Variants in DOK5 observed in about 807,000 individuals in gnomAD.
The protein encoded by DOK5 is downstream of tyrosine kinase 5.
Under a neutral mutation model 43.3 loss-of-function variants are expected in DOK5, and 27 were observed. The ratio of observed to expected loss-of-function variants is 0.62; its 90% CI spans 0.46 to 0.86. The LOEUF (loss-of-function observed/expected upper bound fraction) is 0.86, where lower values mean the gene tolerates loss of function less well. Ranked by LOEUF, DOK5 falls within the 40% of genes least tolerant of loss-of-function variation. DOK5 has a pLI of 0.00. For synonymous variants in DOK5, 146 were observed against 140.1 expected (o/e 1.04, Z -0.30); for missense variants, 373 against 392.9 (o/e 0.95, Z 0.43).
chr20:54,606,897 C>T (rs1341694213), intron 5 of DOK5, among the ~76,000 whole-genome samples: 1 of 152,168 alleles, frequency 6.6e-6, no homozygotes, highest in African/African-American at 2.4e-5. Flanking sequence ...CATTTCTGTT[C>T]TATTTAGAGC....
At chr20:54,542,025 C>A (rs1234319045) in intron 1 of DOK5, among the ~76,000 whole-genome samples, 1 of 151,826 alleles carries the variant, frequency 6.6e-6, no homozygotes, top group South Asian at 2.1e-4. Context: ...CAATACCCAC[C>A]ACTAGCAATT....
chr20:54,511,775 A>C (rs1018191971), intron 1 of DOK5, among the ~76,000 whole-genome samples: 6 of 152,148 alleles, frequency 3.9e-5, no homozygotes, highest in African/African-American at 1.2e-4. Context: ...ATTCTCATAC[A>C]GTCTCTTCTT....
At chr20:54,563,885 A>C (rs796224424) in intron 2 of DOK5, among the ~76,000 whole-genome samples, 12 of 152,124 alleles carry the variant, frequency 7.9e-5, no homozygotes, top group African/African-American at 2.9e-4. Flanking sequence ...CTGCCTTTAA[A>C]ATTTTTTTTA....
At chr20:54,542,280 G>A (rs915295275) in intron 1 of DOK5, among the ~76,000 whole-genome samples, 1 of 152,162 alleles carries the variant, frequency 6.6e-6, no homozygotes, top group African/African-American at 2.4e-5. Context: ...TTTGTTGAAT[G>A]AATTAAAGAA....
Position 54,475,700 on chromosome 20 carries a change from A to G in DOK5, c.-247A>G, listed in dbSNP as rs2146649136. 3.6e-6 allele frequency: 2 copies of G among 562,962 alleles called. No individual in the cohort carries two copies. Among genetic ancestry groups the G allele is most frequent in the East Asian group, 3.1e-5 (1 of 31,918 alleles). The allele number at this position is 562,962 out of a possible 1,614,324, so 34.9% of individuals were successfully genotyped here. ...CGGAGTCAGCTGACGCCGGCGCTCC[A>G]GCCTCGCCTCCCCGCGCCGCGCTCT... On this transcript the variant is annotated 5_prime_UTR_variant, in exon 1 of 8. Transcript: ENST00000262593. This position sits in a 1 kb window ranked among gnomAD's most constrained non-coding sequence, Gnocchi z 4.2.
At chr20:54,616,966 AT>A (rs1179616977) in intron 6 of DOK5, among the ~76,000 whole-genome samples, 1 of 151,364 alleles carries the variant, frequency 6.6e-6, no homozygotes, top group Non-Finnish European at 1.5e-5. Flanking sequence ...ATTTTTTTGT[AT>A]TTTTAGTGGA....
intron 1 of DOK5, among the ~76,000 whole-genome samples, chr20:54,532,514 A>T (rs1465729720): frequency 6.6e-6 from 1 of 152,174 alleles, no homozygotes; most frequent in Admixed American, 6.5e-5. Flanking sequence ...AAGGTGGGGA[A>T]GGTGGCAATA....
intron 1 of DOK5, among the ~76,000 whole-genome samples, chr20:54,515,488 G>A (rs760240658): frequency 1.6e-4 from 25 of 152,198 alleles, no homozygotes; most frequent in Non-Finnish European, 3.2e-4. Flanking sequence ...ACTTTGCTGA[G>A]TTTTGTGAGG....
In DOK5 at chr20:54,650,061, C is replaced by T. The variant is rs185976400; in HGVS notation, c.857-354C>T. 4.3e-4 allele frequency among the ~76,000 whole-genome samples: 65 copies of T among 152,300 alleles called. No individual in the cohort carries two copies. The Middle Eastern group carries it at 0.01, about 24-fold the overall frequency. On this transcript the variant is annotated intron_variant, in intron 7 of 7. Coordinates refer to ENST00000262593, the MANE Select transcript of DOK5 (RefSeq NM_018431.5). ...AGATTACCAAAGTATAAGCATAAGA[C>T]TGCCTTATTGCTGCTCAGGTTTCCA...
chr20:54,518,056 C>G (rs1983260974), intron 1 of DOK5, among the ~76,000 whole-genome samples: 1 of 152,158 alleles, frequency 6.6e-6, no homozygotes, highest in African/African-American at 2.4e-5. Flanking sequence ...GCTGAGTACT[C>G]TACATGCATC....
chr20:54,627,779 T>A (rs554618469), intron 6 of DOK5, among the ~76,000 whole-genome samples: 1 of 152,346 alleles, frequency 6.6e-6, no homozygotes, highest in South Asian at 2.1e-4. Context: ...AAATGCACAT[T>A]TCTGATAAGT....
At chr20:54,609,573 C>T (rs900156015) in intron 5 of DOK5, among the ~76,000 whole-genome samples, 11 of 151,658 alleles carry the variant, frequency 7.3e-5, no homozygotes, top group African/African-American at 2.7e-4. Context: ...TATACACACA[C>T]TAAAATATAT....
intron 6 of DOK5, among the ~76,000 whole-genome samples, chr20:54,632,526 A>T (rs1408049112): frequency 1.3e-5 from 2 of 152,234 alleles, no homozygotes; most frequent in Non-Finnish European, 2.9e-5. Flanking sequence ...CTGCAAAGCG[A>T]GAACTATTTT....
At chr20:54,515,860 C>T (rs1030017717) in intron 1 of DOK5, among the ~76,000 whole-genome samples, 32 of 152,198 alleles carry the variant, frequency 2.1e-4, no homozygotes, top group East Asian at 7.7e-4. Context: ...GGCCATCAGC[C>T]GGTTTTGCCA....
chr20:54,500,552 A>G (rs1273768887), intron 1 of DOK5, among the ~76,000 whole-genome samples: 2 of 144,948 alleles, frequency 1.4e-5, no homozygotes, highest in African/African-American at 5.4e-5. Flanking sequence ...TGTCATACCC[A>G]GTGTATTTTT....
At chr20:54,595,888 T>C (rs997251779) in intron 5 of DOK5, among the ~76,000 whole-genome samples, 1 of 152,204 alleles carries the variant, frequency 6.6e-6, no homozygotes, top group Non-Finnish European at 1.5e-5. Context: ...TTGGACAAAG[T>C]TCTTAACTTT....
chr20:54,548,417 T>A (rs976034634), intron 1 of DOK5, among the ~76,000 whole-genome samples: 18 of 151,676 alleles, frequency 1.2e-4, no homozygotes, highest in Non-Finnish European at 2.2e-4. Flanking sequence ...TTTTTTTTTT[T>A]ATAGAGATAG....
chr20:54,617,315 C>A lies in DOK5; in HGVS notation c.735+6792C>A, dbSNP rs371972130. The stretch of plus-strand genomic sequence containing the variant: ...TTATTTTATTCATCTTATCACTCTG[C>A]CATAGTCTGTCGATTTTTTTTTCTT... On this transcript the variant is annotated intron_variant, in intron 6 of 7. Coordinates refer to ENST00000262593, the MANE Select transcript of DOK5 (RefSeq NM_018431.5). Among the ~76,000 whole-genome samples the A allele has an allele frequency of 5.3e-5, 8 of 152,170 alleles. No homozygotes were observed. The East Asian group carries it at 1.6e-3, about 29-fold the overall frequency.
At chr20:54,484,437 A>T (rs949070010) in intron 1 of DOK5, among the ~76,000 whole-genome samples, 2 of 152,098 alleles carry the variant, frequency 1.3e-5, no homozygotes, top group East Asian at 1.9e-4. Flanking sequence ...TTATTTTTAG[A>T]TAATTGTTAT....
Sources: gnomAD v4.1 joint callset for allele counts (sites outside exome capture counted in the v4.1 genomes callset) on GRCh38, gnomAD v4.1.1 for gene constraint, Gnocchi (gnomAD v3.1) non-coding constraint, MANE v1.5 for transcripts, NCBI Gene and HGNC (gene_info 2026-07-23, HGNC 2026-07-21) for gene names.